The following KCNU1 variants were observed in gnomAD, a reference collection of about 807,000 sequenced individuals.
KCNU1 encodes the protein potassium calcium-activated channel subfamily U member 1.
A neutral mutation model predicts 126.8 loss-of-function variants in KCNU1; 93 were observed. The observed-to-expected ratio is 0.73, with a 90% confidence interval of 0.62 to 0.87. The LOEUF (loss-of-function observed/expected upper bound fraction) is 0.87. Ranked by LOEUF, KCNU1 falls within the 40% of genes least tolerant of loss-of-function variation. KCNU1 has a pLI of 0.00. For missense variants in KCNU1, 1,330 were observed against 1,367.1 expected, an observed-to-expected ratio of 0.97 and a Z score of 0.43; for synonymous variants, 523 against 494.2, an observed-to-expected ratio of 1.06 and a Z score of -0.77.
rs749376903 is a variant in KCNU1, at chr8:36,935,672, A to T, written c.3202A>T (p.Thr1068Ser). Residue 1068 changes from threonine (T) to serine (S), a missense_variant, in exon 27 of 27, where the codon ACA (threonine) becomes TCA (serine). This residue lies in a region of KCNU1 where 1,054 missense variants were observed against 1,053.9 expected (regional missense o/e 1.00). Transcript: ENST00000399881. ...AAATAAAGCATCACAGACAACAGAGACACATTCAGACACAAATTGTCCTCC... is the reference window on the plus strand; with the variant it reads ...AAATAAAGCATCACAGACAACAGAGTCACATTCAGACACAAATTGTCCTCC... ...IVNKASQTTE[T>S]HSDTNCPPTI... is the part of the protein sequence containing the mutation. 2 of 1,613,570 alleles carry T rather than the reference A, an allele frequency of 1.2e-6. No individual in the cohort carries two copies. Among genetic ancestry groups the T allele is most frequent in the South Asian group, 2.2e-5 (2 of 91,076 alleles).
chr8:36,857,598 GTTT>G (rs1585469244), intron 18 of KCNU1, among the ~76,000 whole-genome samples: 1 of 150,936 alleles, frequency 6.6e-6, no homozygotes, highest in East Asian at 2.0e-4. Context: ...TCTTTGTTTT[GTTT>G]TGTTTTTTGT....
intron 24 of KCNU1, among the ~76,000 whole-genome samples, chr8:36,929,387 CAAAA>C (rs35835813): frequency 1.4e-3 from 139 of 99,282 alleles, no homozygotes; most frequent in South Asian, 9.4e-3. Flanking sequence ...GACCCTGTCT[CAAAA>C]AAAAAAAAAA....
In KCNU1 at chr8:36,910,827, C is replaced by G. The variant is rs565819388; in HGVS notation, c.2332-103C>G. 1.3e-3 allele frequency: 1,013 copies of G among 772,636 alleles called. 3 individuals carry two copies. Among genetic ancestry groups the G allele is most frequent in the Middle Eastern group, 2.2e-3 (6 of 2,754 alleles). 47.9% of individuals were successfully genotyped at this position (772,636 alleles called of 1,614,324 possible). A position where few individuals can be genotyped will look rare whatever the true frequency, so the allele number is the denominator to read the frequency against. Reference sequence around the variant, plus strand: ...AATCAAGTCAGCAAAGGTTGGAGCTCAAAGCTCAAAAATTACATCACTCAC... The same window carrying G: ...AATCAAGTCAGCAAAGGTTGGAGCTGAAAGCTCAAAAATTACATCACTCAC... On this transcript the variant is annotated intron_variant, in intron 21 of 26. Coordinates refer to ENST00000399881, the MANE Select transcript of KCNU1 (RefSeq NM_001031836.3).
intron 18 of KCNU1, among the ~76,000 whole-genome samples, chr8:36,861,529 A>C (rs1177312893): frequency 6.6e-6 from 1 of 152,232 alleles, no homozygotes; most frequent in Non-Finnish European, 1.5e-5. Context: ...CCACTTCTGC[A>C]AGACTAAGGC....
chr8:36,890,424 T>C (rs1028847840), intron 19 of KCNU1, among the ~76,000 whole-genome samples: 2 of 151,940 alleles, frequency 1.3e-5, no homozygotes, highest in African/African-American at 4.8e-5. Context: ...CATTAGGCAG[T>C]GTAGTGTTTT....
At chr8:36,806,228 G>A in intron 4 of KCNU1, 41 bp from the exon 5 acceptor site, 1 of 1,317,192 alleles carries the variant, frequency 7.6e-7, no homozygotes, top group Non-Finnish European at 1.1e-6. Flanking sequence ...TAAAATTCTT[G>A]AGGGTAACAG....
At position 36,835,499 on chromosome 8, in the gene KCNU1, G is replaced by T. The variant is rs1231386719; in HGVS notation, c.1295+631G>T. ...TGGGATTACAGGCATGTGCCACCAC[G>T]CCAGACTAATTTTTTATTTTTAGTA... On this transcript the variant is annotated intron_variant, in intron 12 of 26. Transcript: ENST00000399881. Among the ~76,000 whole-genome samples, 4 of 151,852 alleles carry T rather than the reference G, an allele frequency of 2.6e-5. No individual in the cohort carries two copies. The South Asian group carries it at 6.2e-4, about 24-fold the overall frequency.
chr8:36,845,418 A>G (rs977148751), intron 16 of KCNU1, among the ~76,000 whole-genome samples, 162 bp from the exon 17 acceptor site: 1 of 152,166 alleles, frequency 6.6e-6, no homozygotes, highest in Non-Finnish European at 1.5e-5. Context: ...AAGAATTACA[A>G]ATGTCAAATT....
chr8:36,791,035 A>T (rs1291320771), intron 2 of KCNU1, among the ~76,000 whole-genome samples: 2 of 151,854 alleles, frequency 1.3e-5, no homozygotes, highest in East Asian at 3.9e-4. Context: ...AGAGGAAAAG[A>T]GGAAGTAGGA....
rs1292517507 is a variant in KCNU1 at position 36,935,856 on chromosome 8, A to G, written c.3386A>G (p.Asn1129Ser). 4 of 1,612,054 alleles carry G rather than the reference A, an allele frequency of 2.5e-6. No homozygotes were observed. Among genetic ancestry groups the G allele is most frequent in the Non-Finnish European group, 3.4e-6 (4 of 1,179,110 alleles). The change falls in exon 27 of 27, where the codon AAT becomes AGT. Residue 1129 changes from asparagine (N) to serine (S), a missense_variant. By Grantham distance (46) the Asn-to-Ser change is conservative. This residue lies in a region of KCNU1 where 1,054 missense variants were observed against 1,053.9 expected (regional missense o/e 1.00). Coordinates refer to ENST00000399881, the MANE Select transcript of KCNU1 (RefSeq NM_001031836.3). ...CCTTTAGGTGACAATGCAAAAGAAA[A>G]TGAAAGGAAAACTTCAGATGAGGTT... ...QIPLGDNAKE[N>S]ERKTSDEVYD...
chr8:36,813,059 T>C (rs1803780726), intron 7 of KCNU1, among the ~76,000 whole-genome samples: 1 of 152,186 alleles, frequency 6.6e-6, no homozygotes, highest in African/African-American at 2.4e-5. Context: ...TAAATTTGGT[T>C]TTCTTGTAAT....
chr8:36,933,939 T>C (rs1251147358), intron 26 of KCNU1, among the ~76,000 whole-genome samples: 1 of 152,030 alleles, frequency 6.6e-6, no homozygotes, highest in African/African-American at 2.4e-5. Context: ...AAGGAGTCAA[T>C]GTTTAGATTA....
intron 15 of KCNU1, 70 bp from the exon 16 acceptor site, chr8:36,840,860 GCA>G: frequency 9.6e-7 from 1 of 1,040,754 alleles, no homozygotes; most frequent in Non-Finnish European, 1.5e-6. Flanking sequence ...TAGGCACAGA[GCA>G]CAGAGTGTTA....
chr8:36,823,740 G>C (rs2130501833), intron 10 of KCNU1, among the ~76,000 whole-genome samples: 1 of 151,592 alleles, frequency 6.6e-6, no homozygotes, highest in East Asian at 1.9e-4. Context: ...AAATTTCTAA[G>C]AGTTGCAAAT....
chr8:36,923,654 C>G (rs1028840964), intron 24 of KCNU1, among the ~76,000 whole-genome samples: 12 of 152,184 alleles, frequency 7.9e-5, no homozygotes, highest in Non-Finnish European at 1.0e-4. Context: ...GGCAAGAGCA[C>G]ACTTGAACAA....
chr8:36,815,873 C>A (rs1803891961), intron 9 of KCNU1, among the ~76,000 whole-genome samples, 186 bp downstream of exon 9: 1 of 152,130 alleles, frequency 6.6e-6, no homozygotes, highest in Non-Finnish European at 1.5e-5. Context: ...TGCTACTTGA[C>A]CCAAACCACT....
At chr8:36,842,315 A>G (rs1176389655) in intron 16 of KCNU1, among the ~76,000 whole-genome samples, 1 of 152,228 alleles carries the variant, frequency 6.6e-6, no homozygotes, top group Non-Finnish European at 1.5e-5. Context: ...AAAGTTGGGA[A>G]AGCATCAAAG....
At chr8:36,798,958 T>C (rs1335442033) in intron 2 of KCNU1, among the ~76,000 whole-genome samples, 2 of 152,176 alleles carry the variant, frequency 1.3e-5, no homozygotes, top group African/African-American at 2.4e-5. Flanking sequence ...TTGACTCTTA[T>C]CGTCGACAGT....
intron 7 of KCNU1, among the ~76,000 whole-genome samples, chr8:36,813,908 A>C (rs1368966480): frequency 6.6e-6 from 1 of 152,122 alleles, no homozygotes; most frequent in African/African-American, 2.4e-5. Context: ...GCTTGTGCCC[A>C]CTTGAAAAGA....
Sources: gnomAD v4.1 joint callset for allele counts (sites outside exome capture counted in the v4.1 genomes callset) on GRCh38, gnomAD v4.1.1 for gene constraint, gnomAD v4.1.1 regional missense constraint, MANE v1.5 for transcripts, NCBI Gene and HGNC (gene_info 2026-07-23, HGNC 2026-07-21) for gene names.